The following TMSB15B variants were observed in gnomAD, a reference collection of about 807,000 sequenced individuals.
TMSB15B encodes the protein thymosin beta 15B, also known as thymosin beta-15B.
At chrX:103,947,110 GA>G (rs1354854926) in intron 1 of TMSB15B, among the ~76,000 whole-genome samples, 16 of 102,358 alleles carry the variant, frequency 1.6e-4, no homozygotes, top group East Asian at 6.0e-4. Context: ...GCCCCACACT[GA>G]AAAAAAAAAC....
chrX:103,944,070 C>T (rs782724989), intron 1 of TMSB15B, among the ~76,000 whole-genome samples: 46 of 112,146 alleles, frequency 4.1e-4, no homozygotes, highest in African/African-American at 1.4e-3. Flanking sequence ...TTTGCCTTGA[C>T]TTGTGATTAT....
At chrX:103,920,330 C>G (rs781977930) in intron 1 of TMSB15B, among the ~76,000 whole-genome samples, 1 of 111,624 alleles carries the variant, frequency 9.0e-6, no homozygotes, top group African/African-American at 3.3e-5. Context: ...CTGGGCCTTA[C>G]CCCTGGGGGA....
At chrX:103,928,102 G>A in intron 1 of TMSB15B, 1 of 1,097,874 alleles carries the variant, frequency 9.1e-7, no homozygotes, top group South Asian at 2.2e-5. Flanking sequence ...TCAGCATGGG[G>A]GAGCAGAACC....
chrX:103,948,037 C>T (rs1349183984), intron 1 of TMSB15B, among the ~76,000 whole-genome samples: 3 of 110,496 alleles, frequency 2.7e-5, no homozygotes, highest in Non-Finnish European at 3.8e-5. Context: ...TGGAGCCTGT[C>T]GGGGAGCGGG....
intron 1 of TMSB15B, among the ~76,000 whole-genome samples, chrX:103,955,448 C>T (rs781969224): frequency 9.1e-6 from 1 of 109,948 alleles, no homozygotes; most frequent in South Asian, 3.9e-4. Flanking sequence ...AAGAATGTAA[C>T]TGACCTGATA....
intron 1 of TMSB15B, among the ~76,000 whole-genome samples, chrX:103,948,887 T>C (rs1430521055): frequency 8.9e-6 from 1 of 112,143 alleles, no homozygotes; most frequent in African/African-American, 3.2e-5. Context: ...TTAGCATAAG[T>C]AAATAAATTA....
intron 1 of TMSB15B, chrX:103,931,270 T>C (rs1340387845): frequency 8.9e-6 from 1 of 112,350 alleles, no homozygotes; most frequent in African/African-American, 3.2e-5. Flanking sequence ...CTAATTACAC[T>C]GGTGATTTCC....
chrX:103,931,514 A>G (rs1421424446), intron 1 of TMSB15B: 2 of 112,049 alleles, frequency 1.8e-5, no homozygotes, highest in Non-Finnish European at 3.8e-5. Flanking sequence ...AATTGCATAC[A>G]TCAATTTTCA....
chrX:103,929,070 T>C, intron 1 of TMSB15B: 1 of 998,150 alleles, frequency 1.0e-6, no homozygotes, highest in South Asian at 2.8e-5. Flanking sequence ...CTTCCCTGGT[T>C]GGTTCTATAT....
In TMSB15B at chrX:103,939,461, G is replaced by C. The variant is rs781805686; in HGVS notation, c.-721+20169G>C. ...TTGATCGATTTGACTATTGATACTTGTATATAATTCATGAAGTTCTCATGC... is the reference window on the plus strand; with the variant it reads ...TTGATCGATTTGACTATTGATACTTCTATATAATTCATGAAGTTCTCATGC... On this transcript the variant is annotated intron_variant, in intron 1 of 3. Transcript: ENST00000419165. 7.3e-5 allele frequency among the ~76,000 whole-genome samples: 8 copies of C among 109,350 alleles called. No homozygotes were observed. The South Asian group carries it at 3.2e-3, about 43-fold the overall frequency. The allele number at this position is 109,350 out of a possible 115,157, so 95.0% of individuals were successfully genotyped here.
intron 1 of TMSB15B, chrX:103,928,467 T>G (rs1369211610): frequency 8.3e-7 from 1 of 1,202,754 alleles, no homozygotes; most frequent in East Asian, 3.0e-5. Context: ...GGATCATGTC[T>G]GGCCTGGTGG....
At chrX:103,938,459 T>C (rs1306383245) in intron 1 of TMSB15B, among the ~76,000 whole-genome samples, 7 of 112,083 alleles carry the variant, frequency 6.2e-5, no homozygotes, top group Non-Finnish European at 1.3e-4. Flanking sequence ...AAGTCTGTTT[T>C]ATCAGAGACT....
chrX:103,945,195 G>A lies in TMSB15B; in HGVS notation c.-720-16826G>A, dbSNP rs7049365. 1.7e-3 allele frequency among the ~76,000 whole-genome samples: 196 copies of A among 112,627 alleles called. 1 individual carries two copies. The highest frequency in any genetic ancestry group is 6.1e-3 in the African/African-American group (188 of 30,994). The stretch of plus-strand genomic sequence containing the variant: ...GTATACCTCTTTTTATTTCACAACT[G>A]ATGCATAGTAGATGCTTGTCTTCGT... On this transcript the variant is annotated intron_variant, in intron 1 of 3. Coordinates refer to the TMSB15B transcript ENST00000419165.
chrX:103,941,049 T>C (rs1173581187), intron 1 of TMSB15B, among the ~76,000 whole-genome samples: 4 of 111,315 alleles, frequency 3.6e-5, no homozygotes, highest in Non-Finnish European at 7.5e-5. Flanking sequence ...ACCCACTGTC[T>C]AACCAGTCCC....
intron 1 of TMSB15B, among the ~76,000 whole-genome samples, chrX:103,945,690 C>T (rs1426520980): frequency 8.9e-6 from 1 of 111,995 alleles, no homozygotes; most frequent in Non-Finnish European, 1.9e-5. Context: ...TTAAATGTTT[C>T]CTTGGGAGAA....
chrX:103,929,437 C>T (rs1231854717), intron 1 of TMSB15B, among the ~76,000 whole-genome samples: 1 of 111,796 alleles, frequency 8.9e-6, no homozygotes, highest in Admixed American at 9.5e-5. Context: ...GTGCTTGACT[C>T]TTAGGATGGG....
intron 1 of TMSB15B, among the ~76,000 whole-genome samples, chrX:103,938,311 G>T (rs2075004013): frequency 9.0e-6 from 1 of 111,589 alleles, no homozygotes; most frequent in Non-Finnish European, 1.9e-5. Flanking sequence ...TGTCTTTGTA[G>T]GTCTCTAAGA....
chrX:103,948,778 T>C (rs2075031915), intron 1 of TMSB15B, among the ~76,000 whole-genome samples: 1 of 112,636 alleles, frequency 8.9e-6, no homozygotes, highest in African/African-American at 3.2e-5. Context: ...AAATCTTTAT[T>C]GTAGGCACAA....
At chrX:103,921,349 T>C (rs1450589467) in intron 1 of TMSB15B, among the ~76,000 whole-genome samples, 3 of 112,173 alleles carry the variant, frequency 2.7e-5, no homozygotes, top group Non-Finnish European at 5.6e-5. Context: ...GACATCTGAC[T>C]CTTGCCTCCC....
Sources: gnomAD v4.1 joint callset for allele counts (sites outside exome capture counted in the v4.1 genomes callset) on GRCh38, gnomAD v4.1.1 for gene constraint, MANE v1.5 for transcripts, NCBI Gene and HGNC (gene_info 2026-07-23, HGNC 2026-07-21) for gene names.